MGAT4C: variants seen among roughly 807,000 people sequenced by gnomAD.
MGAT4C encodes alpha-1,3-mannosyl-glycoprotein 4-beta-N-acetylglucosaminyltransferase C.
MGAT4C carries 19 observed loss-of-function variants against 40.1 expected under a neutral mutation model. That is an observed-to-expected ratio of 0.47 (90% CI 0.33 to 0.70). MGAT4C has a LOEUF of 0.70. MGAT4C is among the 30% of genes least tolerant of loss of function. The pLI is 0.02. For missense variants in MGAT4C, 491 were observed against 563.2 expected (o/e 0.87, Z 1.30); for synonymous variants, 181 against 187.1 (o/e 0.97, Z 0.27).
At chr12:86,040,877 A>G (rs556955743) in intron 2 of MGAT4C, among the ~76,000 whole-genome samples, 45 of 152,296 alleles carry the variant, frequency 3.0e-4, no homozygotes, top group Admixed American at 7.8e-4. Context: ...GGGAAAGCAC[A>G]GTATCTGGGC....
intron 1 of MGAT4C, among the ~76,000 whole-genome samples, chr12:86,148,641 G>C (rs1040709421): frequency 1.3e-5 from 2 of 152,196 alleles, no homozygotes; most frequent in African/African-American, 4.8e-5. Context: ...AATGCAATTA[G>C]AGCAGTATAG....
At chr12:86,022,740 A>T (rs1889876742) in intron 2 of MGAT4C, among the ~76,000 whole-genome samples, 1 of 152,144 alleles carries the variant, frequency 6.6e-6, no homozygotes, top group Admixed American at 6.6e-5. Context: ...TCTTGCACTA[A>T]TGTCTAGTGC....
intron 2 of MGAT4C, among the ~76,000 whole-genome samples, chr12:86,446,857 G>A (rs1957350566): frequency 6.6e-6 from 1 of 150,786 alleles, no homozygotes; most frequent in Admixed American, 6.6e-5. Context: ...CTACCTGTAT[G>A]CAAATGTAAA....
chr12:86,798,112 C>T (rs1952163465), intron 1 of MGAT4C, among the ~76,000 whole-genome samples: 1 of 151,864 alleles, frequency 6.6e-6, no homozygotes, highest in African/African-American at 2.4e-5. Flanking sequence ...TTGTTGACTT[C>T]CCCTGTGTGT....
chr12:86,151,659 A>C (rs1884303416), intron 1 of MGAT4C, among the ~76,000 whole-genome samples: 1 of 152,242 alleles, frequency 6.6e-6, no homozygotes, highest in Non-Finnish European at 1.5e-5. Flanking sequence ...GAACACATCC[A>C]TATGTTTTAT....
chr12:86,235,177 C>T (rs764295373), intron 1 of MGAT4C, among the ~76,000 whole-genome samples: 3 of 151,932 alleles, frequency 2.0e-5, no homozygotes, highest in South Asian at 2.1e-4. Context: ...TCTATAGATT[C>T]GGCAGCATAA....
intron 1 of MGAT4C, among the ~76,000 whole-genome samples, chr12:86,110,862 T>A (rs1408704289): frequency 1.3e-5 from 2 of 151,746 alleles, no homozygotes; most frequent in African/African-American, 2.4e-5. Flanking sequence ...TGAAAATGTA[T>A]AACTATTATG....
rs141830468 is a variant in MGAT4C at position 86,276,969 on chromosome 12, A to G, written c.-57+57096T>C. Among the ~76,000 whole-genome samples, 1,522 of 152,304 alleles carry G rather than the reference A, an allele frequency of 1.0e-2. 17 individuals carry two copies. The highest frequency in any genetic ancestry group is 0.022 in the Admixed American group (332 of 15,302). On this transcript the variant is annotated intron_variant, in intron 4 of 7. Transcript: ENST00000548651. ...TACCCAGCAGTAGCATTGCTGGATCATATGGTAGCTCTATTTTTAGTTTTT... is the reference window on the plus strand; with the variant it reads ...TACCCAGCAGTAGCATTGCTGGATCGTATGGTAGCTCTATTTTTAGTTTTT...
intron 1 of MGAT4C, among the ~76,000 whole-genome samples, chr12:86,136,427 G>T (rs951466219): frequency 6.6e-6 from 1 of 152,150 alleles, no homozygotes. Flanking sequence ...GGGTGGTGAC[G>T]TGGAGGACAA....
intron 4 of MGAT4C, among the ~76,000 whole-genome samples, chr12:86,306,148 C>A (rs2897324): frequency 0.67 from 100,010 of 149,736 alleles, 34,969 homozygotes; most frequent in South Asian, 0.78. Context: ...AGAAAAAGAT[C>A]TGGCAGTGTC....
At chr12:86,582,448 A>G (rs932486684) in intron 2 of MGAT4C, among the ~76,000 whole-genome samples, 2 of 151,304 alleles carry the variant, frequency 1.3e-5, no homozygotes, top group Admixed American at 6.6e-5. Flanking sequence ...TTTGCTTGAA[A>G]TTGAATGAAA....
At chr12:86,518,220 A>T (rs1958731327) in intron 2 of MGAT4C, among the ~76,000 whole-genome samples, 1 of 152,208 alleles carries the variant, frequency 6.6e-6, no homozygotes, top group Admixed American at 6.5e-5. Flanking sequence ...AAATGAATAG[A>T]GTTGACTTCA....
At chr12:86,300,195 C>T (rs1419495331) in intron 4 of MGAT4C, among the ~76,000 whole-genome samples, 1 of 152,066 alleles carries the variant, frequency 6.6e-6, no homozygotes, top group African/African-American at 2.4e-5. Context: ...TTTTTCTATT[C>T]TTTTTCTTTG....
intron 1 of MGAT4C, among the ~76,000 whole-genome samples, chr12:86,779,413 A>T (rs1951797480): frequency 6.6e-6 from 1 of 151,778 alleles, no homozygotes; most frequent in Non-Finnish European, 1.5e-5. Flanking sequence ...TGAGCAGCAT[A>T]GCGAGACCCC....
At chr12:86,403,431 A>G (rs1013203335) in intron 3 of MGAT4C, among the ~76,000 whole-genome samples, 1 of 152,206 alleles carries the variant, frequency 6.6e-6, no homozygotes, top group South Asian at 2.1e-4. Context: ...ATCTAATAGA[A>G]TTTTTGCTAG....
chr12:86,542,234 A>G (rs2136386631), intron 2 of MGAT4C, among the ~76,000 whole-genome samples: 1 of 152,316 alleles, frequency 6.6e-6, no homozygotes, highest in South Asian at 2.1e-4. Flanking sequence ...ATTGAGGAAC[A>G]ATTAGAATGT....
intron 1 of MGAT4C, among the ~76,000 whole-genome samples, chr12:86,165,927 C>T (rs571000318): frequency 3.9e-5 from 6 of 152,094 alleles, no homozygotes; most frequent in Non-Finnish European, 7.4e-5. Context: ...TCAATGTCAA[C>T]ATTTGAAACA....
At chr12:86,286,218 C>T (rs1307092982) in intron 4 of MGAT4C, among the ~76,000 whole-genome samples, 1 of 152,020 alleles carries the variant, frequency 6.6e-6, no homozygotes, top group Non-Finnish European at 1.5e-5. Context: ...GTTTTATACA[C>T]ATTAAAATGC....
At chr12:86,411,163 A>T (rs141435014) in intron 3 of MGAT4C, among the ~76,000 whole-genome samples, 2 of 152,346 alleles carry the variant, frequency 1.3e-5, no homozygotes, top group African/African-American at 4.8e-5. Context: ...ATACAAAAAA[A>T]GGTAGTGGGA....
Sources: gnomAD v4.1 joint callset for allele counts (sites outside exome capture counted in the v4.1 genomes callset) on GRCh38, gnomAD v4.1.1 for gene constraint, MANE v1.5 for transcripts, NCBI Gene and HGNC (gene_info 2026-07-23, HGNC 2026-07-21) for gene names.